TMOD2: variants seen among roughly 807,000 people sequenced by gnomAD.
TMOD2 encodes the protein tropomodulin 2, also known as tropomodulin-2.
A neutral mutation model predicts 39.9 loss-of-function variants in TMOD2; 22 were observed. The observed-to-expected ratio is 0.55, with a 90% CI of 0.39 to 0.79. TMOD2 has a LOEUF of 0.79. Among genes scored for constraint, TMOD2 ranks in the 30% least tolerant of loss-of-function variants. The pLI, the probability that TMOD2 is intolerant of heterozygous loss-of-function variation, is 0.00. For synonymous variants in TMOD2, 123 were observed against 146.1 expected, an observed-to-expected ratio of 0.84 and a Z score of 1.14; for missense variants, 386 against 413.3, an observed-to-expected ratio of 0.93 and a Z score of 0.57.
intron 1 of TMOD2, among the ~76,000 whole-genome samples, chr15:51,752,203 TCG>T (rs1491204138): frequency 6.6e-6 from 1 of 152,126 alleles, no homozygotes; most frequent in Non-Finnish European, 1.5e-5. Context: ...GAGCTGTCAC[TCG>T]CAGGGCGTTT....
intron 7 of TMOD2, among the ~76,000 whole-genome samples, chr15:51,791,741 C>T (rs775763824): frequency 1.4e-4 from 22 of 152,106 alleles, no homozygotes; most frequent in Non-Finnish European, 1.9e-4. Flanking sequence ...ACCTGACACA[C>T]ACAAGCAATG....
Position 51,768,391 on chromosome 15 carries a change from T to C in TMOD2, c.256T>C (p.Phe86Leu), listed in dbSNP as rs2055830967. 1 of 1,613,726 alleles carries C rather than the reference T, an allele frequency of 6.2e-7. No individual in the cohort carries two copies. Among genetic ancestry groups the C allele is most frequent in the East Asian group, 2.2e-5 (1 of 44,868 alleles). Residue 86 changes from phenylalanine to leucine, a missense_variant, in exon 3 of 10, where the codon TTT becomes CTT. Transcript: ENST00000249700. ...EALEQKDRED[F>L]VPFTGEKKGR... ...TTTGGAACAGAAAGACAGAGAGGAC[T>C]TTGTGCCCTTCACTGGAGAAAAGAA...
intron 5 of TMOD2, among the ~76,000 whole-genome samples, chr15:51,778,968 T>G (rs1235354747): frequency 1.3e-5 from 2 of 152,046 alleles, no homozygotes; most frequent in Admixed American, 1.3e-4. Context: ...ATTCCTTTTA[T>G]TTTTTTGAGA....
intron 1 of TMOD2, among the ~76,000 whole-genome samples, chr15:51,753,386 C>G (rs1013677766): frequency 3.9e-5 from 6 of 152,194 alleles, no homozygotes; most frequent in African/African-American, 1.4e-4. Context: ...TACTGCGAGT[C>G]TCCCGTTGTG....
chr15:51,768,365 CT>C lies in TMOD2; in HGVS notation c.233del (p.Leu78TrpfsTer28), dbSNP rs1755950942. The C allele has an allele frequency of 1.2e-6, 2 of 1,614,018 alleles. No homozygotes were observed. Among genetic ancestry groups the C allele is most frequent in the African/African-American group, 2.7e-5 (2 of 74,904 alleles). ...EHLLMYLEKEALEQKDREDFV... is the reference protein window; with the variant it reads ...EHLLMYLEKEXLEQKDREDFV... ...CTCCTCATGTACCTGGAGAAGGAGG[CT>C]TTGGAACAGAAAGACAGAGAGGACT... On this transcript the variant is annotated frameshift_variant, in exon 3 of 10. Coordinates refer to ENST00000249700, the MANE Select transcript of TMOD2 (RefSeq NM_014548.4). LOFTEE classifies it high-confidence loss of function.
chr15:51,806,299 C>T, intron 8 of TMOD2, 78 bp from the exon 9 acceptor site: 1 of 1,547,220 alleles, frequency 6.5e-7, no homozygotes, highest in Non-Finnish European at 8.8e-7. Context: ...AGCAAGTAGC[C>T]TTGTCTTTTT....
chr15:51,779,289 C>T (rs2055913355), intron 5 of TMOD2, among the ~76,000 whole-genome samples: 1 of 152,124 alleles, frequency 6.6e-6, no homozygotes, highest in African/African-American at 2.4e-5. Context: ...ACCTTCTGGA[C>T]GTTTATACGT....
chr15:51,806,165 A>G (rs965767305), intron 8 of TMOD2, among the ~76,000 whole-genome samples: 2 of 152,320 alleles, frequency 1.3e-5, no homozygotes, highest in Non-Finnish European at 2.9e-5. Flanking sequence ...CAGCAAACTC[A>G]GCTATCTGTC....
At position 51,812,323 on chromosome 15, in the gene TMOD2, G is replaced by C. The variant is rs1201565076; in HGVS notation, c.*3869G>C. The C allele has an allele frequency of 6.6e-6, 1 of 152,220 alleles. No homozygotes were observed. Among genetic ancestry groups the C allele is most frequent in the Non-Finnish European group, 1.5e-5 (1 of 68,042 alleles). The allele number at this position is 152,220 out of a possible 1,614,324, so 9.4% of individuals were successfully genotyped here. The stretch of plus-strand genomic sequence containing the variant: ...CTCTTCCAACAGAAACATGGCCCCT[G>C]ACAGGGCACCAGCATTAGGGAAACC... On this transcript the variant is annotated 3_prime_UTR_variant, in exon 10 of 10. Transcript: ENST00000249700.
At chr15:51,792,665 C>A (rs374855148) in intron 7 of TMOD2, among the ~76,000 whole-genome samples, 27 of 152,242 alleles carry the variant, frequency 1.8e-4, no homozygotes, top group African/African-American at 5.8e-4. Flanking sequence ...ACATATACAC[C>A]ATGGAATACT....
chr15:51,768,139 C>T (rs113465321), intron 2 of TMOD2, 123 bp from the exon 3 acceptor site: 103 of 1,145,750 alleles, frequency 9.0e-5, no homozygotes, highest in African/African-American at 1.5e-4. Context: ...TCAGCTCACA[C>T]GCACATTCTG....
chr15:51,780,791 G>A lies in TMOD2; in HGVS notation c.494-253G>A, dbSNP rs754901002. ...TTTGAAAGTTGGAGTTTGCTGCAGGGTCTCCTGAACTTTGGGTCCATGCAG... is the reference window on the plus strand; with the variant it reads ...TTTGAAAGTTGGAGTTTGCTGCAGGATCTCCTGAACTTTGGGTCCATGCAG... On this transcript the variant is annotated intron_variant, in intron 5 of 9. Transcript: ENST00000249700. Among the ~76,000 whole-genome samples the A allele has an allele frequency of 1.2e-3, 182 of 152,148 alleles. 1 individual carries two copies. The highest frequency in any genetic ancestry group is 1.7e-3 in the Non-Finnish European group (113 of 68,036).
chr15:51,764,152 C>T (rs986293094), intron 1 of TMOD2, among the ~76,000 whole-genome samples: 1 of 151,892 alleles, frequency 6.6e-6, no homozygotes, highest in Non-Finnish European at 1.5e-5. Context: ...AGCTAGGCAT[C>T]GTGGCACATG....
chr15:51,779,914 T>G (rs2055918299), intron 5 of TMOD2, among the ~76,000 whole-genome samples: 1 of 152,162 alleles, frequency 6.6e-6, no homozygotes, highest in African/African-American at 2.4e-5. Flanking sequence ...ACTCCCTGCC[T>G]CAAGAAACTC....
intron 1 of TMOD2, among the ~76,000 whole-genome samples, chr15:51,754,268 A>G (rs1489281323): frequency 1.3e-5 from 2 of 152,220 alleles, no homozygotes; most frequent in Admixed American, 1.3e-4. Flanking sequence ...GTTTGAGAAC[A>G]TAGGCAGTGG....
At chr15:51,806,276 T>A in intron 8 of TMOD2, 101 bp from the exon 9 acceptor site, 1 of 1,369,474 alleles carries the variant, frequency 7.3e-7, no homozygotes, top group Non-Finnish European at 1.0e-6. Flanking sequence ...TTTGCCTCTT[T>A]GCCTTTTTGT....
intron 8 of TMOD2, among the ~76,000 whole-genome samples, chr15:51,802,230 A>T (rs960581304): frequency 6.6e-6 from 1 of 151,986 alleles, no homozygotes; most frequent in South Asian, 2.1e-4. Context: ...AAAAAAAAAT[A>T]AAGCTATTAT....
chr15:51,807,696 G>T (rs2141646658), intron 9 of TMOD2, among the ~76,000 whole-genome samples: 1 of 152,330 alleles, frequency 6.6e-6, no homozygotes, highest in South Asian at 2.1e-4. Flanking sequence ...AGCCTAGGTA[G>T]GAGCTAGGCT....
At chr15:51,774,483 G>A (rs1190301444) in intron 4 of TMOD2, among the ~76,000 whole-genome samples, 1 of 152,156 alleles carries the variant, frequency 6.6e-6, no homozygotes, top group Non-Finnish European at 1.5e-5. Flanking sequence ...GATGACCACA[G>A]GATAGAGGTG....
Sources: allele counts gnomAD v4.1 joint callset (sites outside exome capture counted in the v4.1 genomes callset), GRCh38; gene constraint gnomAD v4.1.1; transcripts MANE v1.5; gene names NCBI Gene and HGNC (gene_info 2026-07-23, HGNC 2026-07-21).